The following MTDH variants were observed in gnomAD, a reference collection of about 807,000 sequenced individuals.
MTDH encodes the protein protein LYRIC.
A neutral mutation model predicts 72.7 loss-of-function variants in MTDH; 34 were observed. The ratio of observed to expected loss-of-function variants is 0.47; its 90% CI spans 0.36 to 0.62. MTDH has a LOEUF of 0.62. Among genes scored for constraint, MTDH ranks in the 20% least tolerant of loss-of-function variants. MTDH has a pLI of 0.00. For missense variants in MTDH, 677 were observed against 699.4 expected (o/e 0.97, Z 0.36); for synonymous variants, 266 against 268.9 (o/e 0.99, Z 0.10).
chr8:97,689,595 C>T (rs1813501882), intron 5 of MTDH, among the ~76,000 whole-genome samples: 1 of 151,472 alleles, frequency 6.6e-6, no homozygotes, highest in Non-Finnish European at 1.5e-5. Context: ...GTTTTATTTA[C>T]TCATTTATGA....
chr8:97,718,966 G>T (rs1814991737), intron 9 of MTDH, 83 bp from the exon 10 acceptor site: 4 of 1,321,996 alleles, frequency 3.0e-6, no homozygotes, highest in Admixed American at 2.3e-5. Context: ...AGAGTGCTGG[G>T]ATTACAGCCA....
chr8:97,715,331 T>C (rs534707781), intron 9 of MTDH, among the ~76,000 whole-genome samples: 3 of 151,980 alleles, frequency 2.0e-5, no homozygotes, highest in South Asian at 4.2e-4. Context: ...TTTCACCATG[T>C]TGGCCAGGCT....
In MTDH at chr8:97,697,150, A is replaced by AT. The variant is rs59102217; in HGVS notation, c.1049-2594dup. 8.9e-4 allele frequency among the ~76,000 whole-genome samples: 61 copies of AT among 68,780 alleles called. 3 individuals carry two copies. The highest frequency in any genetic ancestry group is 0.015 in the Middle Eastern group (2 of 136). 45.1% of individuals were successfully genotyped at this position (68,780 alleles called of 152,430 possible). ...AAAAAATATATATATATATATATAT[A>AT]TTTTTTTTTTGTGGACCCAGTTTAC... On this transcript the variant is annotated intron_variant, in intron 6 of 11. Coordinates refer to ENST00000336273, the MANE Select transcript of MTDH (RefSeq NM_178812.4).
chr8:97,683,502 C>T (rs918343696), intron 2 of MTDH, among the ~76,000 whole-genome samples: 1 of 151,514 alleles, frequency 6.6e-6, no homozygotes, highest in African/African-American at 2.4e-5. Context: ...CTTGAGTGAT[C>T]CTCCCACCTC....
At chr8:97,652,744 A>G (rs1238124869) in intron 1 of MTDH, among the ~76,000 whole-genome samples, 1 of 152,204 alleles carries the variant, frequency 6.6e-6, no homozygotes, top group Non-Finnish European at 1.5e-5. Flanking sequence ...ATTCTTAGGT[A>G]ATAGTTTTGC....
intron 2 of MTDH, among the ~76,000 whole-genome samples, chr8:97,672,626 G>T (rs1157114706): frequency 6.6e-6 from 1 of 152,168 alleles, no homozygotes; most frequent in Non-Finnish European, 1.5e-5. Context: ...GCCCCAGTCA[G>T]TCATTTTTCC....
chr8:97,682,193 T>TTTAATC (rs1405055354), intron 2 of MTDH, among the ~76,000 whole-genome samples: 7 of 138,290 alleles, frequency 5.1e-5, no homozygotes, highest in South Asian at 2.3e-4. Context: ...TATTATTTTA[T>TTTAATC]TTAATCTTAT....
At chr8:97,695,244 G>A (rs1050856842) in intron 6 of MTDH, among the ~76,000 whole-genome samples, 1 of 151,868 alleles carries the variant, frequency 6.6e-6, no homozygotes, top group African/African-American at 2.4e-5. Flanking sequence ...CTCCTGAGTA[G>A]CTGGGATTAC....
At chr8:97,707,670 A>T (rs1814421925) in intron 8 of MTDH, among the ~76,000 whole-genome samples, 1 of 151,944 alleles carries the variant, frequency 6.6e-6, no homozygotes, top group Non-Finnish European at 1.5e-5. Flanking sequence ...GTAGGAACTA[A>T]TGCTGGGCTG....
intron 1 of MTDH, 136 bp from the exon 2 acceptor site, chr8:97,660,936 A>G (rs972267097): frequency 1.3e-5 from 6 of 468,002 alleles, no homozygotes; most frequent in Non-Finnish European, 2.0e-5. Flanking sequence ...CTTAGATAAC[A>G]TTGGTGTACA....
chr8:97,716,259 AC>A (rs1430840521), intron 9 of MTDH, among the ~76,000 whole-genome samples: 1 of 151,962 alleles, frequency 6.6e-6, no homozygotes, highest in East Asian at 1.9e-4. Context: ...GGTTGCATGC[AC>A]CTGTAATCCC....
intron 6 of MTDH, among the ~76,000 whole-genome samples, chr8:97,698,971 C>CT (rs1419038130): frequency 6.6e-6 from 1 of 151,330 alleles, no homozygotes; most frequent in Non-Finnish European, 1.5e-5. Flanking sequence ...AAGACCCTAT[C>CT]TCTACGAAAA....
chr8:97,719,220 C>A, intron 10 of MTDH, 31 bp downstream of exon 10: 1 of 1,606,056 alleles, frequency 6.2e-7, no homozygotes, highest in Non-Finnish European at 8.5e-7. Context: ...AGTTGCCGGG[C>A]GCAGTGGCTT....
chr8:97,656,581 G>A (rs534373917), intron 1 of MTDH, among the ~76,000 whole-genome samples: 96 of 151,778 alleles, frequency 6.3e-4, no homozygotes, highest in Non-Finnish European at 2.8e-4. Context: ...GATTACAGGC[G>A]TGAGCCACCG....
At chr8:97,694,430 C>T (rs1037786528) in intron 6 of MTDH, among the ~76,000 whole-genome samples, 1 of 152,122 alleles carries the variant, frequency 6.6e-6, no homozygotes, top group Non-Finnish European at 1.5e-5. Context: ...CTCCCAGTCT[C>T]AGGTGATCCA....
intron 6 of MTDH, among the ~76,000 whole-genome samples, chr8:97,694,090 G>T (rs1238744717): frequency 2.6e-5 from 4 of 152,072 alleles, no homozygotes; most frequent in Non-Finnish European, 5.9e-5. Context: ...GCTTATGGCA[G>T]ATATTTTTAT....
intron 4 of MTDH, among the ~76,000 whole-genome samples, chr8:97,688,457 C>G (rs1203169798): frequency 1.3e-5 from 2 of 152,080 alleles, no homozygotes; most frequent in Non-Finnish European, 2.9e-5. Flanking sequence ...TTTGTTGATT[C>G]TTTTTCGCTG....
At chr8:97,676,872 G>A (rs924642950) in intron 2 of MTDH, among the ~76,000 whole-genome samples, 5 of 151,724 alleles carry the variant, frequency 3.3e-5, no homozygotes, top group African/African-American at 1.2e-4. Flanking sequence ...GGGCGTGGTG[G>A]CACATACCCG....
In MTDH at chr8:97,665,864, C is replaced by T. The variant is rs374489385; in HGVS notation, c.483+4691C>T. ...AGATCTGGCCGGGCGCGGTGGCTCACGCCTGTAATCCCAGCACTTTGAGAG... is the reference window on the plus strand; with the variant it reads ...AGATCTGGCCGGGCGCGGTGGCTCATGCCTGTAATCCCAGCACTTTGAGAG... On this transcript the variant is annotated intron_variant, in intron 2 of 11. Transcript: ENST00000336273. Among the ~76,000 whole-genome samples, 31 of 152,286 alleles carry T rather than the reference C, an allele frequency of 2.0e-4. No homozygotes were observed. In the East Asian group the frequency reaches 4.4e-3, roughly 22 times the overall value.
Sources: allele counts gnomAD v4.1 joint callset (sites outside exome capture counted in the v4.1 genomes callset), GRCh38; gene constraint gnomAD v4.1.1; transcripts MANE v1.5; gene names NCBI Gene and HGNC (gene_info 2026-07-23, HGNC 2026-07-21).